Variants in DLG2 observed in about 807,000 individuals in gnomAD.
DLG2 encodes the protein disks large homolog 2.
A neutral mutation model predicts 132.5 loss-of-function variants in DLG2; 45 were observed. The observed-to-expected ratio is 0.34, with a 90% CI of 0.27 to 0.44. DLG2 has a LOEUF of 0.44. Ranked by LOEUF, DLG2 falls within the 20% of genes least tolerant of loss-of-function variation. The pLI is 1.00. For synonymous variants in DLG2, 424 were observed against 419.6 expected (o/e 1.01, Z -0.13); for missense variants, 1,045 against 1,196.9 (o/e 0.87, Z 1.87).
intron 6 of DLG2, among the ~76,000 whole-genome samples, chr11:84,655,562 T>C (rs1201234951): frequency 6.6e-6 from 1 of 152,114 alleles, no homozygotes; most frequent in African/African-American, 2.4e-5. Context: ...GGCCCAGATC[T>C]GGAGAGATGG....
chr11:85,286,036 C>A, intron 3 of DLG2: 3 of 393,156 alleles, frequency 7.6e-6, no homozygotes, highest in Non-Finnish European at 1.5e-5. Flanking sequence ...AGGAATGTAA[C>A]TGTATTACAA....
At chr11:83,694,012 T>G (rs933171163) in intron 18 of DLG2, among the ~76,000 whole-genome samples, 5 of 152,230 alleles carry the variant, frequency 3.3e-5, no homozygotes, top group Non-Finnish European at 5.9e-5. Flanking sequence ...GAGTGTTTAC[T>G]GTGAAGCCCT....
At chr11:84,444,142 A>G (rs758096089) in intron 7 of DLG2, among the ~76,000 whole-genome samples, 5 of 152,084 alleles carry the variant, frequency 3.3e-5, no homozygotes, top group Non-Finnish European at 5.9e-5. Flanking sequence ...GTTCTCACTT[A>G]TAAGTGGGAG....
chr11:84,126,646 G>T (rs1340481989), intron 9 of DLG2, among the ~76,000 whole-genome samples: 1 of 152,092 alleles, frequency 6.6e-6, no homozygotes, highest in East Asian at 1.9e-4. Context: ...GTAAACGTAT[G>T]AAACTATATT....
At chr11:84,768,786 A>G (rs1466153709) in intron 6 of DLG2, among the ~76,000 whole-genome samples, 2 of 151,940 alleles carry the variant, frequency 1.3e-5, no homozygotes, top group Non-Finnish European at 2.9e-5. Context: ...TGGGAGACCA[A>G]ATGCTCCCAG....
intron 7 of DLG2, among the ~76,000 whole-genome samples, chr11:84,377,413 A>G (rs1187881675): frequency 6.6e-6 from 1 of 152,078 alleles, no homozygotes; most frequent in Non-Finnish European, 1.5e-5. Context: ...CAACCATAAA[A>G]TGACATTTTT....
At chr11:84,469,542 C>G (rs1314914219) in intron 7 of DLG2, among the ~76,000 whole-genome samples, 2 of 151,588 alleles carry the variant, frequency 1.3e-5, no homozygotes, top group Non-Finnish European at 3.0e-5. Context: ...ATATTGGTGG[C>G]AACTTCTTTG....
At chr11:85,586,124 G>C (rs999545915) in intron 3 of DLG2, among the ~76,000 whole-genome samples, 4 of 152,174 alleles carry the variant, frequency 2.6e-5, no homozygotes, top group Non-Finnish European at 5.9e-5. Context: ...GATATTGTTA[G>C]CTAGTATTTT....
intron 11 of DLG2, among the ~76,000 whole-genome samples, chr11:84,037,593 C>A (rs1444634482): frequency 3.9e-5 from 6 of 152,020 alleles, no homozygotes; most frequent in Non-Finnish European, 7.4e-5. Flanking sequence ...ATATCATGGA[C>A]AATGAAGGAG....
At chr11:84,813,418 T>G (rs1245934964) in intron 6 of DLG2, among the ~76,000 whole-genome samples, 1 of 152,064 alleles carries the variant, frequency 6.6e-6, no homozygotes, top group African/African-American at 2.4e-5. Context: ...ATTAACACCC[T>G]CCCAACCACA....
intron 4 of DLG2, among the ~76,000 whole-genome samples, chr11:85,227,458 A>T (rs111954274): frequency 7.9e-4 from 121 of 152,234 alleles, no homozygotes; most frequent in African/African-American, 2.8e-3. Flanking sequence ...ATAAATAGGA[A>T]AAGATCTGGA....
At chr11:84,980,946 T>C (rs17809597) in intron 6 of DLG2, among the ~76,000 whole-genome samples, 4,185 of 152,266 alleles carry the variant, frequency 0.027, 103 homozygotes, top group East Asian at 0.094. Context: ...TTGGGGCATA[T>C]GCCTTTCTTT....
intron 6 of DLG2, among the ~76,000 whole-genome samples, chr11:84,798,260 T>A (rs888725139): frequency 1.3e-5 from 2 of 152,180 alleles, no homozygotes; most frequent in African/African-American, 4.8e-5. Context: ...CCCTTCAGTG[T>A]GACAAGTTGC....
At chr11:84,247,477 A>G (rs1345681947) in intron 8 of DLG2, among the ~76,000 whole-genome samples, 2 of 152,168 alleles carry the variant, frequency 1.3e-5, no homozygotes, top group African/African-American at 2.4e-5. Flanking sequence ...GTGGAAAAAT[A>G]TCTTTCCTTG....
At chr11:85,563,792 C>T (rs2077386316) in intron 3 of DLG2, among the ~76,000 whole-genome samples, 1 of 152,004 alleles carries the variant, frequency 6.6e-6, no homozygotes. Context: ...TTATACAATG[C>T]TTTGTGTGAT....
intron 9 of DLG2, among the ~76,000 whole-genome samples, chr11:84,136,170 AACTT>A (rs1042137665): frequency 1.3e-5 from 2 of 152,134 alleles, no homozygotes; most frequent in Admixed American, 6.6e-5. Context: ...AATATTGAGT[AACTT>A]ACTTAACTTA....
intron 5 of DLG2, among the ~76,000 whole-genome samples, chr11:85,131,039 T>C (rs1453115558): frequency 6.6e-6 from 1 of 151,980 alleles, no homozygotes; most frequent in Non-Finnish European, 1.5e-5. Flanking sequence ...CTGTGTTTTG[T>C]TGATTCGTAT....
chr11:84,325,522 A>G lies in DLG2; in HGVS notation c.520-74231T>C, dbSNP rs75248048. Reference sequence around the variant, plus strand: ...ATTGATATAATTGCATTATTTTTATATTTCATTCTTTTAATGTGATTTATC... The same window carrying G: ...ATTGATATAATTGCATTATTTTTATGTTTCATTCTTTTAATGTGATTTATC... On this transcript the variant is annotated intron_variant, in intron 7 of 27. Transcript: ENST00000376104. Among the ~76,000 whole-genome samples, 574 of 152,184 alleles carry G rather than the reference A, an allele frequency of 3.8e-3. 4 individuals carry two copies. The highest frequency in any genetic ancestry group is 0.013 in the African/African-American group (547 of 41,508).
At chr11:83,887,671 C>T (rs2068332939) in intron 15 of DLG2, among the ~76,000 whole-genome samples, 1 of 151,036 alleles carries the variant, frequency 6.6e-6, no homozygotes, top group Non-Finnish European at 1.5e-5. Flanking sequence ...GACCAATATC[C>T]TTGATGAACA....
Sources: allele counts gnomAD v4.1 joint callset (sites outside exome capture counted in the v4.1 genomes callset), GRCh38; gene constraint gnomAD v4.1.1; transcripts MANE v1.5; gene names NCBI Gene and HGNC (gene_info 2026-07-23, HGNC 2026-07-21).